OGA: variants seen among roughly 807,000 people sequenced by gnomAD.
The protein encoded by OGA is protein O-GlcNAcase.
OGA carries 21 observed loss-of-function variants against 102.0 expected under a neutral mutation model. The ratio of observed to expected loss-of-function variants is 0.21; its 90% confidence interval spans 0.15 to 0.30. OGA has a LOEUF of 0.30. Ranked by LOEUF, OGA falls within the 10% of genes least tolerant of loss-of-function variation. The pLI, the probability that OGA is intolerant of heterozygous loss-of-function variation, is 1.00. For missense variants in OGA, 765 were observed against 1,107.8 expected, an observed-to-expected ratio of 0.69 and a Z score of 4.39; for synonymous variants, 408 against 378.2, an observed-to-expected ratio of 1.08 and a Z score of -0.91.
chr10:101,793,984 A>G lies in OGA; in HGVS notation c.1999T>C (p.Ser667Pro). 1 of 1,613,512 alleles carries G rather than the reference A, an allele frequency of 6.2e-7. No individual in the cohort carries two copies. Residue 667 changes from serine (S) to proline (P), a missense_variant, in exon 11 of 16, where the codon TCT (serine) becomes CCT (proline). Transcript: ENST00000361464. ...TCTCCAATTAAGAATTGTGCTGAAG[A>G]ATGACTACGACACCCTGTTGAGATC... The part of the protein sequence containing the change: ...FVQWLGCRSH[S>P]SAQFLIGDQE...
intron 15 of OGA, among the ~76,000 whole-genome samples, chr10:101,786,894 A>G (rs868578352): frequency 1.3e-5 from 2 of 152,144 alleles, no homozygotes; most frequent in South Asian, 2.1e-4. Flanking sequence ...CAGCCTCCCG[A>G]GTAGCTGGGA....
At chr10:101,795,933 G>C in intron 10 of OGA, 1 of 979,814 alleles carries the variant, frequency 1.0e-6, no homozygotes, top group Non-Finnish European at 1.2e-6. Context: ...TATAATTTTG[G>C]AAAGCTACCA....
rs1242233268 is a variant in OGA, at chr10:101,787,413, A to T, written c.2565T>A (p.Ser855Arg). ...MDIHKKVTDPSVAKSMMACLL... is the reference protein window; with the variant it reads ...MDIHKKVTDPRVAKSMMACLL... ...GGCAAGCCATCATGCTTTTGGCCACACTTGGGTCAGTTACTTTTTTGTGAA... is the reference window on the plus strand; with the variant it reads ...GGCAAGCCATCATGCTTTTGGCCACTCTTGGGTCAGTTACTTTTTTGTGAA... The change falls in exon 15 of 16, where the codon AGT becomes AGA. Residue 855 changes from serine (S) to arginine (R), a missense_variant. Physicochemically the swap from Ser to Arg is moderately radical, Grantham distance 110. Around this residue, in one of 7 missense-constraint regions of OGA, gnomAD observed 146 missense variants for 269.7 expected, o/e 0.54. Coordinates refer to ENST00000361464, the MANE Select transcript of OGA (RefSeq NM_012215.5). 6.2e-7 allele frequency: 1 copy of T among 1,613,988 alleles called. No homozygotes were observed. Among genetic ancestry groups the T allele is most frequent in the Non-Finnish European group, 8.5e-7 (1 of 1,179,962 alleles).
At position 101,807,778 on chromosome 10, in the gene OGA, T is replaced by C. The variant is rs1343703843; in HGVS notation, c.604A>G (p.Ile202Val). The C allele has an allele frequency of 1.2e-6, 2 of 1,611,600 alleles. No homozygotes were observed. Among genetic ancestry groups the C allele is most frequent in the African/African-American group, 1.3e-5 (1 of 74,772 alleles). Residue 202 changes from isoleucine to valine, a missense_variant, in exon 5 of 16, where the codon ATC (isoleucine) becomes GTC (valine). Physicochemically the swap from Ile to Val is conservative, Grantham distance 29. Coordinates refer to ENST00000361464, the MANE Select transcript of OGA (RefSeq NM_012215.5). The stretch of plus-strand genomic sequence containing the variant: ...TCTGGCTCTCCTAGGTACTGATAGA[T>C]TTCATTTGTGATGGAGACTTGGGCA... Reference protein sequence around the residue: ...AHAQVSITNEIYQYLGEPETF... With the variant: ...AHAQVSITNEVYQYLGEPETF...
chr10:101,801,467 C>T (rs1267527865), intron 7 of OGA, among the ~76,000 whole-genome samples: 5 of 151,776 alleles, frequency 3.3e-5, no homozygotes, highest in African/African-American at 7.3e-5. Flanking sequence ...AGCTCTGAGC[C>T]AGGATAGTGG....
Position 101,786,382 on chromosome 10 carries a change from G to C in OGA, c.*69C>G. 6.9e-7 allele frequency: 1 copy of C among 1,449,012 alleles called. No homozygotes were observed. Among genetic ancestry groups the C allele is most frequent in the South Asian group, 1.6e-5 (1 of 63,418 alleles). 89.8% of individuals were successfully genotyped at this position (1,449,012 alleles called of 1,614,324 possible). On this transcript the variant is annotated 3_prime_UTR_variant, in exon 16 of 16. Coordinates refer to ENST00000361464, the MANE Select transcript of OGA (RefSeq NM_012215.5). ...TACCATTCTAGAGGCTGAACTGTAT[G>C]AAGACCTCAACTACCATTCACAAGG...
rs752447649 is a variant in OGA, at chr10:101,799,258, T to C, written c.1393A>G (p.Met465Val). ...EEKKQPDEEPMDMVVEKQEET... is the reference protein window; with the variant it reads ...EEKKQPDEEPVDMVVEKQEET... Reference sequence around the variant, plus strand: ...TCTTGTTTTTCCACCACCATGTCCATGGGTTCTTCATCAGGCTGTTTCTTT... The same window carrying C: ...TCTTGTTTTTCCACCACCATGTCCACGGGTTCTTCATCAGGCTGTTTCTTT... Residue 465 changes from methionine to valine, a missense_variant, in exon 9 of 16, where the codon ATG (methionine) becomes GTG (valine). Physicochemically the swap from Met to Val is conservative, Grantham distance 21 (BLOSUM62 1). Around this residue, in one of 7 missense-constraint regions of OGA, gnomAD observed 281 missense variants for 345.8 expected, o/e 0.81. Coordinates refer to ENST00000361464, the MANE Select transcript of OGA (RefSeq NM_012215.5). 4 of 1,614,196 alleles carry C rather than the reference T, an allele frequency of 2.5e-6. No homozygotes were observed. The highest frequency in any genetic ancestry group is 2.2e-5 in the East Asian group (1 of 44,894).
At chr10:101,807,966 T>A in intron 4 of OGA, 65 bp from the exon 5 acceptor site, 2 of 1,250,462 alleles carry the variant, frequency 1.6e-6, no homozygotes, top group Non-Finnish European at 2.1e-6. Context: ...ATTACAGCGT[T>A]AACAGTTATA....
rs1043741870 is a variant in OGA at position 101,807,638 on chromosome 10, G to A, written c.652+92C>T. 1.6e-5 allele frequency: 14 copies of A among 862,472 alleles called. No individual in the cohort carries two copies. In the Admixed American group the frequency reaches 3.7e-4, roughly 23 times the overall value. 53.4% of individuals were successfully genotyped at this position (862,472 alleles called of 1,614,324 possible). The stretch of plus-strand genomic sequence containing the variant: ...TTCCTACTTTTACACACCAAAGGAG[G>A]AGGGAAGTGGAGAGAGAATGGGGCC... On this transcript the variant is annotated intron_variant, in intron 5 of 15. Transcript: ENST00000361464.
Position 101,810,168 on chromosome 10 carries a change from A to G in OGA, c.480+16T>C, listed in dbSNP as rs754925620. On this transcript the variant is annotated intron_variant, in intron 4 of 15. Transcript: ENST00000361464. ...AGTACATAGTCAGGAAAAATGAATA[A>G]AAAGTAAGGAGTTACCTGGTCCAAT... The G allele has an allele frequency of 6.3e-7, 1 of 1,594,616 alleles. No individual in the cohort carries two copies. The highest frequency in any genetic ancestry group is 1.1e-5 in the South Asian group (1 of 87,380).
At position 101,787,352 on chromosome 10, in the gene OGA, A is replaced by G. The variant is rs2135021793; in HGVS notation, c.2614+12T>C. 1 of 1,601,614 alleles carries G rather than the reference A, an allele frequency of 6.2e-7. No homozygotes were observed. On this transcript the variant is annotated intron_variant, in intron 15 of 15. Transcript: ENST00000361464. ...TGCCCAAATACCACCAACTCCACAA[A>G]TATGTACTCACCATTAGCCTTCAGT...
At position 101,799,365 on chromosome 10, in the gene OGA, A is replaced by G; in HGVS notation, c.1286T>C (p.Val429Ala). The change falls in exon 9 of 16, where the codon GTA becomes GCA. Residue 429 changes from valine (V) to alanine (A), a missense_variant. Coordinates refer to ENST00000361464, the MANE Select transcript of OGA (RefSeq NM_012215.5). ...AAPSLNATTV[V>A]TTVYQEPIMS... ...AATGGGCTCCTGATAAACTGTTGTTACTACGGTTGTGGCATTTAAAGAGGG... is the reference window on the plus strand; with the variant it reads ...AATGGGCTCCTGATAAACTGTTGTTGCTACGGTTGTGGCATTTAAAGAGGG... 1 of 1,614,190 alleles carries G rather than the reference A, an allele frequency of 6.2e-7. No individual in the cohort carries two copies. The highest frequency in any genetic ancestry group is 8.5e-7 in the Non-Finnish European group (1 of 1,180,026).
intron 9 of OGA, 128 bp downstream of exon 9, chr10:101,798,714 T>G (rs1303323852): frequency 5.0e-5 from 62 of 1,238,004 alleles, no homozygotes; most frequent in Non-Finnish European, 6.7e-5. Flanking sequence ...ATAACCGGCC[T>G]AAAGAACATA....
Position 101,813,583 on chromosome 10 carries a change from TA to T in OGA, c.222del (p.Met75TrpfsTer16). The T allele has an allele frequency of 6.4e-7, 1 of 1,559,598 alleles. No homozygotes were observed. Among genetic ancestry groups the T allele is most frequent in the Non-Finnish European group, 8.8e-7 (1 of 1,137,018 alleles). ...CTAAAGAGTTCTTTTCTCTGTTCCA[TA>T]ACCCAAGGTCTTCCATAAAATCCTA... ...VVEGFYGRPW[V>X]MEQRKELFRR... is the part of the protein sequence containing the mutation. On this transcript the variant is annotated frameshift_variant, in exon 2 of 16. Coordinates refer to ENST00000361464, the MANE Select transcript of OGA (RefSeq NM_012215.5). LOFTEE classifies it high-confidence loss of function.
intron 4 of OGA, among the ~76,000 whole-genome samples, chr10:101,809,614 G>A (rs937039069): frequency 6.6e-6 from 1 of 151,518 alleles, no homozygotes; most frequent in Non-Finnish European, 1.5e-5. Context: ...AGGAGGCTGA[G>A]GCATGAGAAT....
rs930959094 is a variant in OGA, at chr10:101,785,107, C to T, written c.*1344G>A. 2 of 152,136 alleles carry T rather than the reference C, an allele frequency of 1.3e-5. No individual in the cohort carries two copies. Among genetic ancestry groups the T allele is most frequent in the African/African-American group, 4.8e-5 (2 of 41,414 alleles). The allele number at this position is 152,136 out of a possible 1,614,324, so 9.4% of individuals were successfully genotyped here. On this transcript the variant is annotated 3_prime_UTR_variant, in exon 16 of 16. Transcript: ENST00000361464. ...TCAGCTCAAAGTTAAACAGCTGATG[C>T]AAAACTACAGAGAAGCAAGATAACA...
At chr10:101,815,094 A>AT (rs1564652122) in intron 1 of OGA, among the ~76,000 whole-genome samples, 11 of 152,188 alleles carry the variant, frequency 7.2e-5, no homozygotes. Context: ...CACAATCTAC[A>AT]TAAGAGACTA....
intron 5 of OGA, among the ~76,000 whole-genome samples, chr10:101,806,448 C>T (rs915165596): frequency 2.6e-5 from 4 of 152,294 alleles, no homozygotes; most frequent in South Asian, 4.1e-4. Flanking sequence ...TCAGGCAATC[C>T]GCCCGCCTTG....
intron 4 of OGA, among the ~76,000 whole-genome samples, chr10:101,808,660 C>G (rs2065507490): frequency 6.6e-6 from 1 of 151,918 alleles, no homozygotes; most frequent in Non-Finnish European, 1.5e-5. Context: ...TATAGAAAAA[C>G]CAGCAAACTA....
Sources: gnomAD v4.1 joint callset for allele counts (sites outside exome capture counted in the v4.1 genomes callset) on GRCh38, gnomAD v4.1.1 for gene constraint, gnomAD v4.1.1 regional missense constraint, MANE v1.5 for transcripts, NCBI Gene and HGNC (gene_info 2026-07-23, HGNC 2026-07-21) for gene names.